CTNNA3: variants seen among roughly 807,000 people sequenced by gnomAD.
CTNNA3 encodes the protein catenin alpha 3.
In CTNNA3, 76 loss-of-function variants were observed where a neutral mutation model predicts 95.7. The ratio of observed to expected loss-of-function variants is 0.79; its 90% CI spans 0.66 to 0.96. The LOEUF is 0.96. CTNNA3 is among the 40% of genes least tolerant of loss of function. The pLI, the probability that CTNNA3 is intolerant of heterozygous loss-of-function variation, is 0.00. For synonymous variants in CTNNA3, 431 were observed against 374.4 expected (o/e 1.15, Z -1.74); for missense variants, 1,191 against 1,089.8 (o/e 1.09, Z -1.31).
intron 9 of CTNNA3, among the ~76,000 whole-genome samples, chr10:66,753,304 C>A (rs910389649): frequency 5.9e-5 from 9 of 152,114 alleles, no homozygotes; most frequent in African/African-American, 2.2e-4. Flanking sequence ...TTTCATGGAA[C>A]ACACATTCAC....
chr10:66,004,640 C>T (rs1459443087), intron 15 of CTNNA3, among the ~76,000 whole-genome samples: 1 of 152,152 alleles, frequency 6.6e-6, no homozygotes, highest in Admixed American at 6.5e-5. Flanking sequence ...TATTTTGTGA[C>T]TAAGTTTGTT....
At position 66,326,049 on chromosome 10, in the gene CTNNA3, G is replaced by C. The variant is rs564269434; in HGVS notation, c.1733-45428C>G. Among the ~76,000 whole-genome samples, 4 of 152,204 alleles carry C rather than the reference G, an allele frequency of 2.6e-5. No individual in the cohort carries two copies. The South Asian group carries it at 8.3e-4, about 32-fold the overall frequency. ...TAATTGATGCAAACTTTAGAGAACT[G>C]AGTCAGAATTTTGTAAAATGAACAA... is the stretch of plus-strand genomic sequence containing the variant. On this transcript the variant is annotated intron_variant, in intron 12 of 17. Coordinates refer to ENST00000433211, the MANE Select transcript of CTNNA3 (RefSeq NM_013266.4).
intron 5 of CTNNA3, among the ~76,000 whole-genome samples, chr10:67,448,618 A>C (rs1846846780): frequency 6.6e-6 from 1 of 151,708 alleles, no homozygotes; most frequent in East Asian, 1.9e-4. Context: ...TTATGTATTT[A>C]AAGAAAAAAT....
chr10:67,030,627 G>A (rs575613550), intron 7 of CTNNA3, among the ~76,000 whole-genome samples: 32 of 152,190 alleles, frequency 2.1e-4, no homozygotes, highest in Admixed American at 1.5e-3. Context: ...ATATTATGTA[G>A]ATCAATATAT....
At chr10:66,211,307 T>A (rs1048378072) in intron 13 of CTNNA3, among the ~76,000 whole-genome samples, 18 of 152,288 alleles carry the variant, frequency 1.2e-4, no homozygotes, top group African/African-American at 4.3e-4. Context: ...ATGTTACACT[T>A]CAACCTTTGT....
intron 7 of CTNNA3, among the ~76,000 whole-genome samples, chr10:66,889,691 T>C (rs1229622261): frequency 1.3e-5 from 2 of 151,696 alleles, no homozygotes; most frequent in Non-Finnish European, 2.9e-5. Context: ...AGGTATGAAA[T>C]AAGTGAACGA....
intron 15 of CTNNA3, among the ~76,000 whole-genome samples, chr10:66,046,903 C>A (rs900481238): frequency 1.3e-5 from 2 of 152,074 alleles, no homozygotes; most frequent in Non-Finnish European, 2.9e-5. Context: ...TTCTTGGACA[C>A]ATACACCCTC....
At chr10:66,470,668 A>C (rs1299420541) in intron 11 of CTNNA3, among the ~76,000 whole-genome samples, 2 of 151,846 alleles carry the variant, frequency 1.3e-5, no homozygotes, top group Non-Finnish European at 2.9e-5. Flanking sequence ...CCAGCAAAAG[A>C]GACAGATAAG....
At position 67,122,819 on chromosome 10, in the gene CTNNA3, G is replaced by C. The variant is rs532194483; in HGVS notation, c.1047+57498C>G. On this transcript the variant is annotated intron_variant, in intron 7 of 17. Transcript: ENST00000433211. Reference sequence around the variant, plus strand: ...AGGCAATGTGAGTTACAGGAGCATCGGTCTGATGAGGCCATATACAGGATA... The same window carrying C: ...AGGCAATGTGAGTTACAGGAGCATCCGTCTGATGAGGCCATATACAGGATA... Among the ~76,000 whole-genome samples the C allele has an allele frequency of 2.6e-5, 4 of 152,082 alleles. No individual in the cohort carries two copies. In the East Asian group the frequency reaches 7.7e-4, roughly 29 times the overall value.
intron 13 of CTNNA3, among the ~76,000 whole-genome samples, chr10:66,190,701 G>A (rs919708160): frequency 2.6e-5 from 4 of 151,832 alleles, no homozygotes; most frequent in East Asian, 1.9e-4. Context: ...ATCTTTCTAC[G>A]TCTTCTCATC....
intron 7 of CTNNA3, among the ~76,000 whole-genome samples, chr10:67,148,049 G>A (rs1244902510): frequency 6.6e-6 from 1 of 152,098 alleles, no homozygotes; most frequent in East Asian, 1.9e-4. Context: ...CCTTATGATG[G>A]GAAGAGAAAT....
At chr10:67,712,440 C>T (rs958351026) in intron 1 of CTNNA3, among the ~76,000 whole-genome samples, 1 of 152,218 alleles carries the variant, frequency 6.6e-6, no homozygotes, top group East Asian at 1.9e-4. Context: ...GGCCCAGAGG[C>T]CTAGGGGGAA....
At chr10:67,464,110 G>A (rs1387052205) in intron 5 of CTNNA3, among the ~76,000 whole-genome samples, 1 of 152,052 alleles carries the variant, frequency 6.6e-6, no homozygotes, top group Non-Finnish European at 1.5e-5. Context: ...ACTCGATCCT[G>A]TTATTTAAAA....
intron 11 of CTNNA3, among the ~76,000 whole-genome samples, chr10:66,422,639 G>A (rs972970103): frequency 2.6e-5 from 4 of 151,922 alleles, no homozygotes; most frequent in African/African-American, 9.7e-5. Flanking sequence ...GGATGAATTG[G>A]TTCTAGAGAA....
intron 7 of CTNNA3, among the ~76,000 whole-genome samples, chr10:66,825,290 T>C (rs906916513): frequency 3.4e-5 from 5 of 148,832 alleles, no homozygotes; most frequent in Non-Finnish European, 7.4e-5. Context: ...TATATTTTTT[T>C]TTTGAGATGG....
At chr10:66,889,815 G>A (rs1845193602) in intron 7 of CTNNA3, among the ~76,000 whole-genome samples, 1 of 143,668 alleles carries the variant, frequency 7.0e-6, no homozygotes, top group South Asian at 2.2e-4. Context: ...TTTTGAGACA[G>A]AGTCTTGCTC....
chr10:66,088,175 T>A (rs1016264488), intron 14 of CTNNA3, among the ~76,000 whole-genome samples: 3 of 152,108 alleles, frequency 2.0e-5, no homozygotes, highest in Admixed American at 1.3e-4. Flanking sequence ...TGTACTTTCA[T>A]ACAGAATACC....
At chr10:66,446,976 G>A (rs2093427110) in intron 11 of CTNNA3, among the ~76,000 whole-genome samples, 1 of 151,754 alleles carries the variant, frequency 6.6e-6, no homozygotes, top group Non-Finnish European at 1.5e-5. Context: ...CTTCAGCAAA[G>A]TCTCAGGATA....
chr10:67,084,720 G>T (rs1201805380), intron 7 of CTNNA3, among the ~76,000 whole-genome samples: 1 of 151,778 alleles, frequency 6.6e-6, no homozygotes, highest in Non-Finnish European at 1.5e-5. Flanking sequence ...ATAAATTATT[G>T]CTATTACTCA....
Sources: gnomAD v4.1 joint callset for allele counts (sites outside exome capture counted in the v4.1 genomes callset) on GRCh38, gnomAD v4.1.1 for gene constraint, MANE v1.5 for transcripts, NCBI Gene and HGNC (gene_info 2026-07-23, HGNC 2026-07-21) for gene names.